Variants in NF1 observed in about 807,000 individuals in gnomAD.
NF1 encodes the protein neurofibromin 1.
Under a neutral mutation model 325.7 loss-of-function variants are expected in NF1, and 122 were observed. That is an observed-to-expected ratio of 0.37 (90% CI 0.32 to 0.44). The LOEUF (loss-of-function observed/expected upper bound fraction) is 0.44. NF1 is among the 20% of genes least tolerant of loss of function. The probability of loss-of-function intolerance (pLI) is 1.00; values close to 1 mark genes in which losing one functional copy is unlikely to be tolerated. For synonymous variants in NF1, 1,091 were observed against 1,186.0 expected (o/e 0.92, Z 1.65); for missense variants, 2,140 against 3,415.4 (o/e 0.63, Z 9.31).
At chr17:31,133,763 T>G (rs1471307894) in intron 1 of NF1, 1 of 152,332 alleles carries the variant, frequency 6.6e-6, no homozygotes, top group Non-Finnish European at 1.5e-5. Context: ...TTCAAGCGAT[T>G]CTGCTGCCTT....
chr17:31,156,164 T>G, intron 2 of NF1, 38 bp downstream of exon 2: 2 of 1,610,320 alleles, frequency 1.2e-6, no homozygotes, highest in South Asian at 2.2e-5. Flanking sequence ...GGAATTTGCT[T>G]TCTTTTCTTT....
In NF1 at chr17:31,337,355, T is replaced by G; in HGVS notation, c.6428-13T>G. On this transcript the variant is annotated splice_polypyrimidine_tract_variant and intron_variant, in intron 42 of 57. Transcript: ENST00000358273. ...TATTTTCTGTCTTTACTTGTTCCTT[T>G]ATTCTCTTACAGAAGAGACCAAGCA... The G allele has an allele frequency of 6.3e-7, 1 of 1,595,522 alleles. No individual in the cohort carries two copies. The highest frequency in any genetic ancestry group is 1.1e-5 in the South Asian group (1 of 90,646).
intron 36 of NF1, among the ~76,000 whole-genome samples, chr17:31,315,712 G>A (rs2069003852): frequency 6.6e-6 from 1 of 152,092 alleles, no homozygotes; most frequent in Non-Finnish European, 1.5e-5. Flanking sequence ...TAAATGTAAA[G>A]TGCCTTGGAT....
Position 31,357,035 on chromosome 17 carries a change from T to C in NF1, c.7814T>C (p.Leu2605Ser). Residue 2605 changes from leucine to serine, a missense_variant, in exon 53 of 58, where the codon TTG (leucine) becomes TCG (serine). Leu to Ser is a moderately radical substitution (Grantham distance 145, BLOSUM62 -2). Transcript: ENST00000358273. ...KVSVSESNVL[L>S]DEEVLTDPKI... ...TCAGTGTCTGAATCAAATGTTCTCT[T>C]GGATGAAGAAGTACTTACTGATCCG... The C allele has an allele frequency of 6.2e-7, 1 of 1,613,982 alleles. No homozygotes were observed. Among genetic ancestry groups the C allele is most frequent in the Non-Finnish European group, 8.5e-7 (1 of 1,179,950 alleles).
chr17:31,314,304 G>A (rs1280228754), intron 36 of NF1: 3 of 261,360 alleles, frequency 1.1e-5, no homozygotes, highest in Non-Finnish European at 2.1e-5. Context: ...TAAATATTTA[G>A]GATGGAGTCC....
intron 39 of NF1, chr17:31,331,674 G>C (rs1288048915): frequency 2.0e-5 from 3 of 151,942 alleles, no homozygotes; most frequent in Non-Finnish European, 2.9e-5. Context: ...ACTTAAATTA[G>C]GTCTTCGTCT....
chr17:31,155,381 AT>A (rs1305927931), intron 1 of NF1, among the ~76,000 whole-genome samples: 1 of 152,118 alleles, frequency 6.6e-6, no homozygotes, highest in East Asian at 1.9e-4. Context: ...GTGTTCTGTT[AT>A]CCCTTCAATT....
At chr17:31,095,473 T>C in intron 1 of NF1, 104 bp downstream of exon 1, 1 of 1,101,842 alleles carries the variant, frequency 9.1e-7, no homozygotes. Flanking sequence ...TGCCTCAGGC[T>C]CTGGAGGAAA....
chr17:31,146,993 C>T (rs1401228451), intron 1 of NF1, among the ~76,000 whole-genome samples: 3 of 152,190 alleles, frequency 2.0e-5, no homozygotes, highest in Non-Finnish European at 4.4e-5. Flanking sequence ...GTGTCTACCA[C>T]GATTTCTCTG....
At chr17:31,099,975 AG>A (rs1339938916) in intron 1 of NF1, among the ~76,000 whole-genome samples, 1 of 151,010 alleles carries the variant, frequency 6.6e-6, no homozygotes, top group African/African-American at 2.4e-5. Context: ...TTATTTCTGA[AG>A]GGAAGTATGG....
At chr17:31,352,466 A>G in intron 51 of NF1, 52 bp downstream of exon 51, 1 of 1,432,782 alleles carries the variant, frequency 7.0e-7, no homozygotes, top group Non-Finnish European at 9.3e-7. Context: ...AAAAATAGAT[A>G]TTTTTACTCT....
At chr17:31,309,717 G>A (rs1445421419) in intron 36 of NF1, among the ~76,000 whole-genome samples, 6 of 152,112 alleles carry the variant, frequency 3.9e-5, no homozygotes, top group African/African-American at 1.4e-4. Context: ...GAAGGACAGG[G>A]CCCAAACAGG....
chr17:31,288,666 A>G (rs1405944425), intron 36 of NF1, among the ~76,000 whole-genome samples: 2 of 151,732 alleles, frequency 1.3e-5, no homozygotes, highest in Non-Finnish European at 2.9e-5. Context: ...TCTCCTGAGT[A>G]GCTAGGATAA....
intron 8 of NF1, among the ~76,000 whole-genome samples, chr17:31,184,416 G>T (rs1022415839): frequency 1.3e-5 from 2 of 151,940 alleles, no homozygotes; most frequent in African/African-American, 4.8e-5. Flanking sequence ...TTGGGAGGCC[G>T]AGGCGGGCGG....
intron 29 of NF1, among the ~76,000 whole-genome samples, chr17:31,243,263 C>T (rs2067335884): frequency 6.8e-6 from 1 of 146,914 alleles, no homozygotes; most frequent in Admixed American, 6.9e-5. Context: ...CCTGTGGACA[C>T]CAGCACTGGG....
At chr17:31,239,627 T>G (rs1448809245) in intron 29 of NF1, among the ~76,000 whole-genome samples, 1 of 152,134 alleles carries the variant, frequency 6.6e-6, no homozygotes, top group African/African-American at 2.4e-5. Context: ...CTTTTTATTT[T>G]TTAATTTTTA....
At chr17:31,369,581 T>C (rs1266004334) in intron 57 of NF1, among the ~76,000 whole-genome samples, 1 of 152,174 alleles carries the variant, frequency 6.6e-6, no homozygotes, top group Admixed American at 6.5e-5. Context: ...ACTTTGTAGT[T>C]TTGTCTGTTT....
chr17:31,375,012 TTA>T lies in NF1; in HGVS notation c.*873_*874del, dbSNP rs369548314. 0.43 allele frequency: 82,670 copies of T among 190,698 alleles called. 20,475 individuals carry two copies. Among genetic ancestry groups the T allele is most frequent in the African/African-American group, 0.75 (31,478 of 41,956 alleles). 11.8% of individuals were successfully genotyped at this position (190,698 alleles called of 1,614,324 possible). On this transcript the variant is annotated 3_prime_UTR_variant, in exon 58 of 58. Transcript: ENST00000358273. Reference sequence around the variant, plus strand: ...ACCAAAACTATACTAAGTATAGTAATTATATATATATATATATTTTTTCCCCT... The same window carrying T: ...ACCAAAACTATACTAAGTATAGTAATTATATATATATATATTTTTTCCCCT...
chr17:31,280,548 T>G (rs1597774782), intron 36 of NF1, among the ~76,000 whole-genome samples: 1 of 142,826 alleles, frequency 7.0e-6, no homozygotes, highest in Non-Finnish European at 1.5e-5. Context: ...AAAGTAAGAA[T>G]CATACTTAGC....
Sources: allele counts gnomAD v4.1 joint callset (sites outside exome capture counted in the v4.1 genomes callset), GRCh38; gene constraint gnomAD v4.1.1; transcripts MANE v1.5; gene names NCBI Gene and HGNC (gene_info 2026-07-23, HGNC 2026-07-21).